The following CEP72 variants were observed in gnomAD, a reference collection of about 807,000 sequenced individuals.
CEP72 encodes the protein centrosomal protein 72.
CEP72 carries 78 observed loss-of-function variants against 65.7 expected under a neutral mutation model. The ratio of observed to expected loss-of-function variants is 1.19; its 90% confidence interval spans 0.99 to 1.43. The LOEUF is 1.43. Ranked by LOEUF, CEP72 falls within the 40% of genes most tolerant of loss-of-function variation. The probability of loss-of-function intolerance (pLI) is 0.00; values close to 1 mark genes in which losing one functional copy is unlikely to be tolerated. For missense variants in CEP72, 914 were observed against 832.9 expected (o/e 1.10, Z -1.20); for synonymous variants, 358 against 351.7 (o/e 1.02, Z -0.20).
intron 10 of CEP72, 135 bp downstream of exon 10, chr5:644,560 T>A: frequency 3.9e-6 from 4 of 1,014,758 alleles, no homozygotes; most frequent in Non-Finnish European, 4.5e-6. Flanking sequence ...GCCGAGCCCC[T>A]GCCTCACTGG....
intron 10 of CEP72, among the ~76,000 whole-genome samples, chr5:646,357 C>T (rs748771123): frequency 2.6e-5 from 4 of 152,190 alleles, no homozygotes; most frequent in South Asian, 2.1e-4. Context: ...GATGTTCTTG[C>T]GCCCTAACCC....
intron 1 of CEP72, among the ~76,000 whole-genome samples, chr5:616,393 T>C (rs1735991391): frequency 6.6e-6 from 1 of 152,234 alleles, no homozygotes; most frequent in African/African-American, 2.4e-5. Flanking sequence ...AATTGCTCAT[T>C]GAAGTATTTT....
At chr5:613,024 C>T (rs1735772083) in intron 1 of CEP72, among the ~76,000 whole-genome samples, 1 of 152,168 alleles carries the variant, frequency 6.6e-6, no homozygotes, top group Non-Finnish European at 1.5e-5. Context: ...ATGTCAATTT[C>T]TGTTTTTGAA....
chr5:652,736 T>G (rs2126832352), intron 11 of CEP72, among the ~76,000 whole-genome samples: 1 of 152,354 alleles, frequency 6.6e-6, no homozygotes, highest in East Asian at 1.9e-4. Flanking sequence ...TTCAGCTCAT[T>G]CATTCATTCC....
At chr5:646,107 G>A (rs905402983) in intron 10 of CEP72, among the ~76,000 whole-genome samples, 6 of 152,212 alleles carry the variant, frequency 3.9e-5, no homozygotes, top group African/African-American at 1.4e-4. Flanking sequence ...TGTGTGGATG[G>A]TGAATTCGGC....
chr5:644,133 C>A, intron 9 of CEP72, 166 bp from the exon 10 acceptor site: 1 of 724,298 alleles, frequency 1.4e-6, no homozygotes, highest in Non-Finnish European at 2.3e-6. Flanking sequence ...GCAGGGCGGG[C>A]TGGGAGCAGG....
At chr5:661,535 G>A (rs1739608027), downstream of CEP72, 1 of 152,402 alleles carries the variant, frequency 6.6e-6, no homozygotes, top group African/African-American at 2.4e-5. Context: ...TTTATTTTCT[G>A]TTGAACCGTG....
At chr5:628,615 T>TTA (rs1561037113) in intron 4 of CEP72, among the ~76,000 whole-genome samples, 60 of 115,084 alleles carry the variant, frequency 5.2e-4, no homozygotes, top group East Asian at 1.0e-3. Flanking sequence ...AGAACTCAGG[T>TTA]CGCAGTCCCC....
At position 641,766 on chromosome 5, in the gene CEP72, G is replaced by A. The variant is rs1412998702; in HGVS notation, c.1539+1162G>A. ...CCCATCCAGAAGCCTGTGCATTTAA[G>A]CACACGTGGTCCCCCGTCTAGAAGC... On this transcript the variant is annotated intron_variant, in intron 9 of 11. Coordinates refer to ENST00000264935, the MANE Select transcript of CEP72 (RefSeq NM_018140.4). 6 of 968,432 alleles carry A rather than the reference G, an allele frequency of 6.2e-6. No homozygotes were observed. The African/African-American group carries it at 7.8e-5, about 13-fold the overall frequency. The allele number at this position is 968,432 out of a possible 1,614,324, so 60.0% of individuals were successfully genotyped here.
chr5:632,167 T>TTC (rs1172322319), intron 4 of CEP72, among the ~76,000 whole-genome samples: 6 of 71,170 alleles, frequency 8.4e-5, no homozygotes, highest in African/African-American at 2.7e-4. Flanking sequence ...CCTGGTGGGG[T>TTC]TCTGTCCAGC....
intron 3 of CEP72, 87 bp downstream of exon 3, chr5:620,348 C>T (rs986359785): frequency 4.7e-5 from 54 of 1,143,212 alleles, no homozygotes; most frequent in East Asian, 1.2e-4. Context: ...GTGTGCTCAA[C>T]GTCACATGCT....
chr5:642,894 A>G lies in CEP72; in HGVS notation c.1540-1405A>G, dbSNP rs142865259. On this transcript the variant is annotated intron_variant, in intron 9 of 11. Transcript: ENST00000264935. ...GGACGCTCATCCCTCGGTCACATGA[A>G]CCTAGACCTTGCTTCCTTTGGAAGC... 74 of 985,470 alleles carry G rather than the reference A, an allele frequency of 7.5e-5. No individual in the cohort carries two copies. The African/African-American group carries it at 1.2e-3, about 16-fold the overall frequency. The allele number at this position is 985,470 out of a possible 1,614,324, so 61.0% of individuals were successfully genotyped here.
intron 11 of CEP72, among the ~76,000 whole-genome samples, chr5:652,180 C>A (rs1216637202): frequency 6.6e-6 from 1 of 152,202 alleles, no homozygotes; most frequent in Non-Finnish European, 1.5e-5. Context: ...GGGGGTCATT[C>A]TCCTTGAGCA....
rs1737937312 is a variant in CEP72 at position 640,503 on chromosome 5, G to C, written c.1438G>C (p.Glu480Gln). 6.2e-7 allele frequency: 1 copy of C among 1,614,024 alleles called. No individual in the cohort carries two copies. Among genetic ancestry groups the C allele is most frequent in the Non-Finnish European group, 8.5e-7 (1 of 1,180,036 alleles). Residue 480 changes from glutamate to glutamine, a missense_variant, in exon 9 of 12, where the codon GAG becomes CAG. By Grantham distance (29) the Glu-to-Gln change is conservative. Coordinates refer to ENST00000264935, the MANE Select transcript of CEP72 (RefSeq NM_018140.4). ...VGEDVGSLAL[E>Q]SKSLQSRLAE... ...TGAAGATGTCGGCTCCCTGGCTCTG[G>C]AGAGTAAGTCCCTGCAAAGCCGCCT...
chr5:663,012 G>A (rs1279152043), intron 1 of CEP72: 1 of 150,328 alleles, frequency 6.7e-6, no homozygotes, highest in Non-Finnish European at 1.4e-5. Context: ...CGAGTCTGGT[G>A]ACCGCTCGTC....
chr5:635,707 G>C, intron 6 of CEP72, 123 bp downstream of exon 6: 1 of 771,762 alleles, frequency 1.3e-6, no homozygotes, highest in Non-Finnish European at 2.1e-6. Context: ...CCAAGAGCAC[G>C]GTGCCGGCAC....
chr5:644,656 C>T (rs1319455804), intron 10 of CEP72, among the ~76,000 whole-genome samples: 4 of 152,166 alleles, frequency 2.6e-5, no homozygotes, highest in African/African-American at 9.7e-5. Flanking sequence ...GGCAAGGCCA[C>T]CCCTGTCCTC....
Position 633,912 on chromosome 5 carries a change from A to C in CEP72, c.656A>C (p.Gln219Pro). The C allele has an allele frequency of 6.2e-7, 1 of 1,613,030 alleles. No individual in the cohort carries two copies. The highest frequency in any genetic ancestry group is 2.2e-5 in the East Asian group (1 of 44,894). Residue 219 changes from glutamine to proline, a missense_variant, in exon 5 of 12, where the codon CAG becomes CCG. Transcript: ENST00000264935. Reference sequence around the variant, plus strand: ...CCTCCCGGGAGCACGAGCTTCAGCCAGAAGGGGCGTGAGGCCGACTCTCGT... The same window carrying C: ...CCTCCCGGGAGCACGAGCTTCAGCCCGAAGGGGCGTGAGGCCGACTCTCGT... ...GRPPGSTSFS[Q>P]KGREADSRGS...
downstream of CEP72, among the ~76,000 whole-genome samples, chr5:672,151 C>T (rs1740244794): frequency 6.6e-6 from 1 of 152,196 alleles, no homozygotes; most frequent in African/African-American, 2.4e-5. Context: ...GACTTTAGGA[C>T]AAAGTGTCCT....
Sources: gnomAD v4.1 joint callset for allele counts (sites outside exome capture counted in the v4.1 genomes callset) on GRCh38, gnomAD v4.1.1 for gene constraint, MANE v1.5 for transcripts, NCBI Gene and HGNC (gene_info 2026-07-23, HGNC 2026-07-21) for gene names.